The following HS3ST2 variants were observed in gnomAD, a reference collection of about 807,000 sequenced individuals.
HS3ST2 encodes the protein heparan sulfate-glucosamine 3-sulfotransferase 2.
Under a neutral mutation model 26.3 loss-of-function variants are expected in HS3ST2, and 17 were observed. That is an observed-to-expected ratio of 0.65 (90% CI 0.44 to 0.97). The LOEUF is 0.97. Ranked by LOEUF, HS3ST2 falls within the 50% of genes least tolerant of loss-of-function variation. HS3ST2 has a pLI of 0.00. For missense variants in HS3ST2, 402 were observed against 501.2 expected (o/e 0.80, Z 1.89); for synonymous variants, 237 against 219.2 (o/e 1.08, Z -0.72).
intron 1 of HS3ST2, among the ~76,000 whole-genome samples, chr16:22,859,553 C>T (rs1901647410): frequency 6.6e-6 from 1 of 152,138 alleles, no homozygotes; most frequent in African/African-American, 2.4e-5. Flanking sequence ...TGTTAACAAT[C>T]CACTGTGCCC....
intron 1 of HS3ST2, among the ~76,000 whole-genome samples, chr16:22,883,131 A>G (rs1902013847): frequency 6.6e-6 from 1 of 152,152 alleles, no homozygotes; most frequent in South Asian, 2.1e-4. Flanking sequence ...CTTGCAGAAT[A>G]TTATAAAGTG....
At chr16:22,859,330 AAACTGTG>A (rs1901644782) in intron 1 of HS3ST2, among the ~76,000 whole-genome samples, 1 of 152,222 alleles carries the variant, frequency 6.6e-6, no homozygotes, top group Admixed American at 6.5e-5. Flanking sequence ...TCATATTTGC[AAACTGTG>A]CAAACTGCCT....
chr16:22,886,145 C>T (rs1486326102), intron 1 of HS3ST2, among the ~76,000 whole-genome samples: 1 of 152,184 alleles, frequency 6.6e-6, no homozygotes, highest in Non-Finnish European at 1.5e-5. Flanking sequence ...TGTTTTATAG[C>T]TCAAGTTAGC....
intron 1 of HS3ST2, among the ~76,000 whole-genome samples, chr16:22,853,517 A>G (rs1567488289): frequency 6.6e-6 from 1 of 152,220 alleles, no homozygotes. Flanking sequence ...ACTTGAACAT[A>G]GGCATCTACA....
rs76418512 is a variant in HS3ST2 at position 22,870,544 on chromosome 16, A to G, written c.486-44400A>G. ...TACAGCCTCCAAGGTCCTACACCCA[A>G]TGCCTGTTCCTGTTTGTCTCTCTGA... On this transcript the variant is annotated intron_variant, in intron 1 of 1. Coordinates refer to ENST00000261374, the MANE Select transcript of HS3ST2 (RefSeq NM_006043.2). Among the ~76,000 whole-genome samples, 57 of 152,102 alleles carry G rather than the reference A, an allele frequency of 3.7e-4. 1 individual carries two copies. The East Asian group carries it at 6.4e-3, about 17-fold the overall frequency.
intron 1 of HS3ST2, among the ~76,000 whole-genome samples, chr16:22,881,323 C>A (rs117412235): frequency 1.4e-4 from 21 of 152,304 alleles, no homozygotes; most frequent in Non-Finnish European, 2.9e-5. Flanking sequence ...GACACTCTGC[C>A]TGCTGCTGTG....
chr16:22,849,054 ACAT>A (rs1282376420), intron 1 of HS3ST2, among the ~76,000 whole-genome samples: 3 of 152,182 alleles, frequency 2.0e-5, no homozygotes, highest in Non-Finnish European at 4.4e-5. Flanking sequence ...GGGTGTTTTT[ACAT>A]CTGTATGCCT....
Position 22,860,745 on chromosome 16 carries a change from A to G in HS3ST2, c.485+45650A>G, listed in dbSNP as rs142475634. On this transcript the variant is annotated intron_variant, in intron 1 of 1. Transcript: ENST00000261374. ...CTTTATGTATCACAGTTATGAGTGT[A>G]TAAAAGTATGAAATATAAAATATCA... is the stretch of plus-strand genomic sequence containing the variant. Among the ~76,000 whole-genome samples, 385 of 152,136 alleles carry G rather than the reference A, an allele frequency of 2.5e-3. 1 individual carries two copies. Among genetic ancestry groups the G allele is most frequent in the African/African-American group, 9.0e-3 (372 of 41,514 alleles).
chr16:22,909,029 G>C (rs1457120367), intron 1 of HS3ST2, among the ~76,000 whole-genome samples: 3 of 152,196 alleles, frequency 2.0e-5, no homozygotes, highest in South Asian at 2.1e-4. Context: ...AACCTAGATA[G>C]CTGCAGGGAT....
At chr16:22,876,607 G>A (rs1362760757) in intron 1 of HS3ST2, among the ~76,000 whole-genome samples, 2 of 152,142 alleles carry the variant, frequency 1.3e-5, no homozygotes, top group African/African-American at 2.4e-5. Context: ...TCTACCATTT[G>A]ACCCAGCAAT....
intron 1 of HS3ST2, among the ~76,000 whole-genome samples, chr16:22,848,063 A>C (rs566893286): frequency 6.6e-6 from 1 of 152,294 alleles, no homozygotes; most frequent in African/African-American, 2.4e-5. Context: ...TATAATTCTT[A>C]TTTTAATGTG....
chr16:22,909,106 T>C (rs1230437265), intron 1 of HS3ST2, among the ~76,000 whole-genome samples: 1 of 152,218 alleles, frequency 6.6e-6, no homozygotes, highest in East Asian at 1.9e-4. Flanking sequence ...TCAATCTTTA[T>C]GACACCTTTT....
At chr16:22,871,277 A>G (rs574765903) in intron 1 of HS3ST2, among the ~76,000 whole-genome samples, 12 of 150,842 alleles carry the variant, frequency 8.0e-5, no homozygotes, top group African/African-American at 2.9e-4. Context: ...AATTGCTTGA[A>G]CCCGGGAGGT....
intron 1 of HS3ST2, among the ~76,000 whole-genome samples, chr16:22,891,304 A>G (rs973633971): frequency 3.3e-5 from 5 of 152,346 alleles, no homozygotes; most frequent in Admixed American, 2.0e-4. Context: ...CATACTGAGA[A>G]ATTTCCACGC....
At chr16:22,887,266 A>G (rs1048657555) in intron 1 of HS3ST2, among the ~76,000 whole-genome samples, 1 of 152,208 alleles carries the variant, frequency 6.6e-6, no homozygotes, top group Non-Finnish European at 1.5e-5. Flanking sequence ...TGGGTGGCTT[A>G]TACATAACAG....
In HS3ST2 at chr16:22,883,308, C is replaced by T. The variant is rs376356650; in HGVS notation, c.486-31636C>T. 5.9e-5 allele frequency among the ~76,000 whole-genome samples: 9 copies of T among 152,302 alleles called. No homozygotes were observed. In the East Asian group the frequency reaches 1.2e-3, roughly 20 times the overall value. On this transcript the variant is annotated intron_variant, in intron 1 of 1. Coordinates refer to ENST00000261374, the MANE Select transcript of HS3ST2 (RefSeq NM_006043.2). ...TGCAACTCAGTCTGAGGGTTTAAAC[C>T]CTTTCAGAGACAGCCAGAAAAAATT...
chr16:22,821,481 C>G (rs531013600), intron 1 of HS3ST2, among the ~76,000 whole-genome samples: 5 of 151,798 alleles, frequency 3.3e-5, no homozygotes, highest in Admixed American at 2.6e-4. Context: ...TTGATCAGAT[C>G]CCCTGGAGGA....
At chr16:22,835,488 T>C (rs1237748108) in intron 1 of HS3ST2, among the ~76,000 whole-genome samples, 2 of 152,172 alleles carry the variant, frequency 1.3e-5, no homozygotes, top group Admixed American at 1.3e-4. Context: ...ATAACACGTC[T>C]ACATAGTTTA....
At chr16:22,891,285 G>A (rs577012740) in intron 1 of HS3ST2, among the ~76,000 whole-genome samples, 7 of 152,276 alleles carry the variant, frequency 4.6e-5, no homozygotes, top group East Asian at 1.9e-4. Flanking sequence ...CGCCTACTAC[G>A]CATCAGAACA....
Sources: allele counts gnomAD v4.1 joint callset (sites outside exome capture counted in the v4.1 genomes callset), GRCh38; gene constraint gnomAD v4.1.1; transcripts MANE v1.5; gene names NCBI Gene and HGNC (gene_info 2026-07-23, HGNC 2026-07-21).